MYOZ2: variants seen among roughly 807,000 people sequenced by gnomAD.
MYOZ2 encodes the protein myozenin 2, also known as myozenin-2.
In MYOZ2, 19 loss-of-function variants were observed where a neutral mutation model predicts 25.4. The ratio of observed to expected loss-of-function variants is 0.75; its 90% CI spans 0.52 to 1.10. The LOEUF (loss-of-function observed/expected upper bound fraction) is 1.10. MYOZ2 is among the 50% of genes least tolerant of loss of function. The pLI, the probability that MYOZ2 is intolerant of heterozygous loss-of-function variation, is 0.00. For synonymous variants in MYOZ2, 92 were observed against 106.9 expected, an observed-to-expected ratio of 0.86 and a Z score of 0.86; for missense variants, 270 against 317.9, an observed-to-expected ratio of 0.85 and a Z score of 1.15.
At chr4:119,166,765 T>C (rs1276956645) in intron 5 of MYOZ2, among the ~76,000 whole-genome samples, 1 of 152,226 alleles carries the variant, frequency 6.6e-6, no homozygotes, top group Non-Finnish European at 1.5e-5. Context: ...ATTGTCACAA[T>C]ATTCTGATTT....
At chr4:119,171,544 A>T (rs1201762462) in intron 5 of MYOZ2, among the ~76,000 whole-genome samples, 1 of 151,814 alleles carries the variant, frequency 6.6e-6, no homozygotes, top group Admixed American at 6.6e-5. Context: ...ATAGAGGCTA[A>T]AATAATTTTC....
At chr4:119,168,320 A>G (rs1401711308) in intron 5 of MYOZ2, among the ~76,000 whole-genome samples, 3 of 152,204 alleles carry the variant, frequency 2.0e-5, no homozygotes, top group Non-Finnish European at 4.4e-5. Flanking sequence ...TAGCCCATGG[A>G]TCAAGGAGTA....
chr4:119,142,710 G>A (rs1741184806), intron 2 of MYOZ2, among the ~76,000 whole-genome samples: 1 of 152,182 alleles, frequency 6.6e-6, no homozygotes, highest in South Asian at 2.1e-4. Context: ...ATTGCATTAG[G>A]AAGAAGTATA....
At chr4:119,182,765 G>A (rs574487944) in intron 5 of MYOZ2, among the ~76,000 whole-genome samples, 26 of 152,308 alleles carry the variant, frequency 1.7e-4, no homozygotes, top group Admixed American at 9.8e-4. Context: ...ACCTTCTGCT[G>A]TGTGACCTGG....
At chr4:119,163,713 T>C (rs1741757103) in intron 4 of MYOZ2, among the ~76,000 whole-genome samples, 1 of 152,170 alleles carries the variant, frequency 6.6e-6, no homozygotes, top group African/African-American at 2.4e-5. Context: ...TCAAACATTT[T>C]ACAGAGCACT....
At chr4:119,179,573 T>A (rs1450157266) in intron 5 of MYOZ2, among the ~76,000 whole-genome samples, 1 of 152,184 alleles carries the variant, frequency 6.6e-6, no homozygotes, top group Non-Finnish European at 1.5e-5. Flanking sequence ...ATCTACAGGG[T>A]AGGCACCCAC....
At chr4:119,169,523 A>G (rs1419535762) in intron 5 of MYOZ2, among the ~76,000 whole-genome samples, 1 of 152,248 alleles carries the variant, frequency 6.6e-6, no homozygotes, top group African/African-American at 2.4e-5. Flanking sequence ...ATGGTTTAAA[A>G]TCTACCAAGG....
At chr4:119,171,822 C>G (rs1741954690) in intron 5 of MYOZ2, among the ~76,000 whole-genome samples, 1 of 150,974 alleles carries the variant, frequency 6.6e-6, no homozygotes, top group African/African-American at 2.4e-5. Context: ...CACAAACACA[C>G]ACACACACAC....
At chr4:119,150,479 T>C (rs1741421918) in intron 2 of MYOZ2, among the ~76,000 whole-genome samples, 2 of 135,252 alleles carry the variant, frequency 1.5e-5, no homozygotes, top group South Asian at 5.3e-4. Context: ...AGTAGGGGGA[T>C]AGCTAAAGCT....
chr4:119,159,867 C>A (rs1741666755), intron 4 of MYOZ2, among the ~76,000 whole-genome samples: 1 of 151,948 alleles, frequency 6.6e-6, no homozygotes, highest in Admixed American at 6.6e-5. Flanking sequence ...CGAAGGAAAC[C>A]AATTAGGCAC....
At chr4:119,156,222 G>C (rs1741571984) in intron 3 of MYOZ2, among the ~76,000 whole-genome samples, 1 of 151,818 alleles carries the variant, frequency 6.6e-6, no homozygotes, top group Non-Finnish European at 1.5e-5. Flanking sequence ...ATGACGGAGA[G>C]GGGTCCTCTT....
intron 5 of MYOZ2, among the ~76,000 whole-genome samples, chr4:119,181,767 T>C (rs1742188053): frequency 6.6e-6 from 1 of 152,116 alleles, no homozygotes; most frequent in Non-Finnish European, 1.5e-5. Flanking sequence ...ATTTAATACA[T>C]ACAGAAAAGA....
At chr4:119,141,103 A>G (rs1356942597) in intron 2 of MYOZ2, among the ~76,000 whole-genome samples, 1 of 152,212 alleles carries the variant, frequency 6.6e-6, no homozygotes, top group Non-Finnish European at 1.5e-5. Context: ...CTATTATTCA[A>G]TTACATAGGC....
chr4:119,161,018 AT>A (rs1232764304), intron 4 of MYOZ2, among the ~76,000 whole-genome samples: 11 of 152,020 alleles, frequency 7.2e-5, no homozygotes. Context: ...ATAATTTTGC[AT>A]TCTTTAACAA....
At chr4:119,136,690 C>A in intron 2 of MYOZ2, 89 bp downstream of exon 2, 1 of 1,344,990 alleles carries the variant, frequency 7.4e-7, no homozygotes. Flanking sequence ...TAGTTTACTT[C>A]CTTTAGATTC....
chr4:119,141,275 AAGTG>A (rs1741153080), intron 2 of MYOZ2, among the ~76,000 whole-genome samples: 1 of 152,246 alleles, frequency 6.6e-6, no homozygotes, highest in South Asian at 2.1e-4. Flanking sequence ...AATTATTTGT[AAGTG>A]AGTGTCTTTG....
intron 3 of MYOZ2, among the ~76,000 whole-genome samples, chr4:119,154,108 C>T (rs952867884): frequency 2.6e-5 from 4 of 152,186 alleles, no homozygotes; most frequent in Middle Eastern, 3.4e-3. Flanking sequence ...AATAAGACCA[C>T]ACTAAATAAT....
At chr4:119,163,915 A>C (rs1741762322) in intron 4 of MYOZ2, among the ~76,000 whole-genome samples, 1 of 152,310 alleles carries the variant, frequency 6.6e-6, no homozygotes, top group Admixed American at 6.5e-5. Context: ...AATTTTTAGA[A>C]AACTAAATGA....
At chr4:119,136,482 G>A in intron 1 of MYOZ2, 30 bp from the exon 2 acceptor site, 1 of 1,562,984 alleles carries the variant, frequency 6.4e-7, no homozygotes, top group Non-Finnish European at 8.8e-7. Context: ...TCTTCACATT[G>A]CCTCAATAAT....
Sources: allele counts gnomAD v4.1 joint callset (sites outside exome capture counted in the v4.1 genomes callset), GRCh38; gene constraint gnomAD v4.1.1; transcripts MANE v1.5; gene names NCBI Gene and HGNC (gene_info 2026-07-23, HGNC 2026-07-21).